ALG14: variants seen among roughly 807,000 people sequenced by gnomAD.
ALG14 encodes the protein ALG14 UDP-N-acetylglucosaminyltransferase subunit, also known as UDP-N-acetylglucosamine transferase subunit ALG14.
ALG14 carries 17 observed loss-of-function variants against 22.8 expected under a neutral mutation model. The ratio of observed to expected loss-of-function variants is 0.75; its 90% CI spans 0.51 to 1.12. The LOEUF is 1.12. Ranked by LOEUF, ALG14 falls within the 50% of genes most tolerant of loss-of-function variation. ALG14 has a pLI of 0.00. For synonymous variants in ALG14, 89 were observed against 103.7 expected, an observed-to-expected ratio of 0.86 and a Z score of 0.86; for missense variants, 288 against 271.8, an observed-to-expected ratio of 1.06 and a Z score of -0.42.
intron 2 of ALG14, among the ~76,000 whole-genome samples, chr1:95,037,016 C>T (rs927235797): frequency 1.3e-5 from 2 of 152,216 alleles, no homozygotes; most frequent in Non-Finnish European, 2.9e-5. Context: ...ACTTTACCTC[C>T]AGAAGCTTCT....
At chr1:94,998,010 C>A (rs535637466) in intron 3 of ALG14, among the ~76,000 whole-genome samples, 1 of 152,218 alleles carries the variant, frequency 6.6e-6, no homozygotes, top group South Asian at 2.1e-4. Context: ...ATTGAAGAGC[C>A]TTTTAAGGGG....
At chr1:95,070,873 C>G (rs997852861) in intron 1 of ALG14, among the ~76,000 whole-genome samples, 2 of 152,090 alleles carry the variant, frequency 1.3e-5, no homozygotes, top group African/African-American at 2.4e-5. Context: ...ATAGCTGGGA[C>G]TATAGGTGCA....
intron 3 of ALG14, among the ~76,000 whole-genome samples, chr1:95,018,442 A>G (rs1292085613): frequency 1.3e-5 from 2 of 152,130 alleles, no homozygotes; most frequent in African/African-American, 2.4e-5. Flanking sequence ...AGGTTGAGGC[A>G]GGAGAATAGC....
intron 3 of ALG14, among the ~76,000 whole-genome samples, chr1:95,004,406 G>A (rs1673150634): frequency 6.6e-6 from 1 of 151,824 alleles, no homozygotes; most frequent in Admixed American, 6.6e-5. Flanking sequence ...ATTTTTAGCA[G>A]AGACAAAGTT....
intron 3 of ALG14, among the ~76,000 whole-genome samples, chr1:94,984,255 C>G (rs896438909): frequency 6.6e-6 from 1 of 152,132 alleles, no homozygotes; most frequent in Non-Finnish European, 1.5e-5. Flanking sequence ...ATTGGGCATG[C>G]TCTATGTCAC....
chr1:94,992,555 G>A (rs1385591874), intron 3 of ALG14, among the ~76,000 whole-genome samples: 1 of 151,382 alleles, frequency 6.6e-6, no homozygotes, highest in Non-Finnish European at 1.5e-5. Flanking sequence ...TGGAAGAGGA[G>A]GGTTGAAGAG....
chr1:95,028,518 A>T (rs1355470483), intron 2 of ALG14, among the ~76,000 whole-genome samples: 1 of 152,154 alleles, frequency 6.6e-6, no homozygotes, highest in Non-Finnish European at 1.5e-5. Flanking sequence ...TATTTTCATT[A>T]AAAAAAATCT....
In ALG14 at chr1:95,072,934, C is replaced by T. The variant is rs1226266091; in HGVS notation, c.-36G>A. ...GGCGCATGCGTCCAACTTCCGGGGA[C>T]CAGCCGCTGTCAAAGTTCACAACTA... On this transcript the variant is annotated 5_prime_UTR_variant, in exon 1 of 4. Transcript: ENST00000370205. The T allele has an allele frequency of 6.2e-7, 1 of 1,611,304 alleles. No individual in the cohort carries two copies. Among genetic ancestry groups the T allele is most frequent in the Non-Finnish European group, 8.5e-7 (1 of 1,179,072 alleles).
chr1:95,028,334 T>C (rs554743053), intron 2 of ALG14, among the ~76,000 whole-genome samples: 1 of 152,242 alleles, frequency 6.6e-6, no homozygotes, highest in Admixed American at 6.5e-5. Flanking sequence ...CAGCCTCCAG[T>C]AGCTGGGACC....
chr1:95,072,028 T>C (rs1019676195), intron 1 of ALG14, among the ~76,000 whole-genome samples: 4 of 152,210 alleles, frequency 2.6e-5, no homozygotes, highest in Admixed American at 2.6e-4. Flanking sequence ...GTTAGTTTAG[T>C]GTTTGGTCTT....
rs963845870 is a variant in ALG14 at position 94,981,225 on chromosome 1, G to A, written c.*1851C>T. 2.0e-5 allele frequency: 3 copies of A among 151,890 alleles called. No homozygotes were observed. Among genetic ancestry groups the A allele is most frequent in the East Asian group, 1.9e-4 (1 of 5,194 alleles). The allele number at this position is 151,890 out of a possible 1,614,324, so 9.4% of individuals were successfully genotyped here. A position where few individuals can be genotyped will look rare whatever the true frequency, so the allele number is the denominator to read the frequency against. ...GCCCCTGGTTGTATGATACTAATAC[G>A]CTCTGATACTCCAGGGAAGCAACCA... On this transcript the variant is annotated 3_prime_UTR_variant, in exon 4 of 4. Transcript: ENST00000370205.
chr1:94,982,997 CAT>C lies in ALG14; in HGVS notation c.*77_*78del. ...GACTGTCAGACGCCTTTACAAGAAACATGTAGGGTTTTTTTCCCCCCAATTTG... is the reference window on the plus strand; with the variant it reads ...GACTGTCAGACGCCTTTACAAGAAACGTAGGGTTTTTTTCCCCCCAATTTG... On this transcript the variant is annotated 3_prime_UTR_variant, in exon 4 of 4. Coordinates refer to ENST00000370205, the MANE Select transcript of ALG14 (RefSeq NM_144988.4). 8.2e-7 allele frequency: 1 copy of C among 1,222,274 alleles called. No homozygotes were observed. The highest frequency in any genetic ancestry group is 1.3e-5 in the South Asian group (1 of 77,192). 75.7% of individuals were successfully genotyped at this position (1,222,274 alleles called of 1,614,324 possible). A position where few individuals can be genotyped will look rare whatever the true frequency, so the allele number is the denominator to read the frequency against.
At chr1:95,055,843 A>G (rs1674909238) in intron 2 of ALG14, among the ~76,000 whole-genome samples, 1 of 146,992 alleles carries the variant, frequency 6.8e-6, no homozygotes. Flanking sequence ...AAAAAAAAAA[A>G]AAAAAAAAAA....
chr1:94,975,350 A>G lies in ALG14; in HGVS notation c.*7726T>C, dbSNP rs1672374093. The stretch of plus-strand genomic sequence containing the variant: ...ACTTCATTCCTTTGTGTGATCGAGT[A>G]ATATTCCACTATATGGATATACCAC... On this transcript the variant is annotated 3_prime_UTR_variant, in exon 4 of 4. Coordinates refer to ENST00000370205, the MANE Select transcript of ALG14 (RefSeq NM_144988.4). 2 of 152,254 alleles carry G rather than the reference A, an allele frequency of 1.3e-5. No individual in the cohort carries two copies. Among genetic ancestry groups the G allele is most frequent in the African/African-American group, 4.8e-5 (2 of 41,456 alleles). 9.4% of individuals were successfully genotyped at this position (152,254 alleles called of 1,614,324 possible).
chr1:95,004,300 C>A (rs1185470060), intron 3 of ALG14, among the ~76,000 whole-genome samples: 1 of 150,152 alleles, frequency 6.7e-6, no homozygotes, highest in Non-Finnish European at 1.5e-5. Context: ...TGGCTCACTG[C>A]AACCTCTGCC....
At chr1:95,025,701 C>G (rs1453347078) in intron 3 of ALG14, among the ~76,000 whole-genome samples, 1 of 152,210 alleles carries the variant, frequency 6.6e-6, no homozygotes, top group African/African-American at 2.4e-5. Context: ...ATGCAGATGG[C>G]TTCTCTCCTT....
intron 3 of ALG14, among the ~76,000 whole-genome samples, chr1:94,992,119 C>T (rs1341239165): frequency 6.6e-6 from 1 of 151,826 alleles, no homozygotes; most frequent in Non-Finnish European, 1.5e-5. Flanking sequence ...AAAGAGTACA[C>T]TATAAAATAA....
intron 3 of ALG14, among the ~76,000 whole-genome samples, chr1:94,998,909 C>T (rs1672978258): frequency 6.6e-6 from 1 of 152,020 alleles, no homozygotes; most frequent in Non-Finnish European, 1.5e-5. Context: ...TGTATTCAGC[C>T]CCTATCGCAT....
chr1:95,049,803 G>A (rs898390953), intron 2 of ALG14, among the ~76,000 whole-genome samples: 15 of 151,208 alleles, frequency 9.9e-5, no homozygotes, highest in African/African-American at 3.4e-4. Flanking sequence ...CCCAGGAGGT[G>A]GAGGCTGCAG....
Sources: allele counts gnomAD v4.1 joint callset (sites outside exome capture counted in the v4.1 genomes callset), GRCh38; gene constraint gnomAD v4.1.1; transcripts MANE v1.5; gene names NCBI Gene and HGNC (gene_info 2026-07-23, HGNC 2026-07-21).